The following ARX variants were observed in gnomAD, a reference collection of about 807,000 sequenced individuals.
ARX encodes aristaless related homeobox, also known as homeobox protein ARX.
A neutral mutation model predicts 23.1 loss-of-function variants in ARX; 1 was observed. The ratio of observed to expected loss-of-function variants is 0.04; its 90% CI spans 0.02 to 0.21. The LOEUF is 0.21. Among genes scored for constraint, ARX ranks in the 10% least tolerant of loss-of-function variants. The pLI is 1.00. For missense variants in ARX, 380 were observed against 527.5 expected (o/e 0.72, Z 2.74); for synonymous variants, 301 against 270.1 (o/e 1.11, Z -1.12).
rs866153168 is a variant in ARX at position 25,015,614 on chromosome X, G to T, written c.124C>A (p.Arg42=). 4 of 1,208,769 alleles carry T rather than the reference G, an allele frequency of 3.3e-6. No homozygotes were observed. The highest frequency in any genetic ancestry group is 4.5e-6 in the Non-Finnish European group (4 of 894,372). The change falls in exon 1 of 5, where the codon CGG becomes AGG. Residue 42 remains arginine, a synonymous_variant. Coordinates refer to ENST00000379044, the MANE Select transcript of ARX (RefSeq NM_139058.3). ...AAGCTCTGCGCGGCTCCCAGCAACCGCATTTTGCACGGGCTCCTCCGGCCC... is the reference window on the plus strand; with the variant it reads ...AAGCTCTGCGCGGCTCCCAGCAACCTCATTTTGCACGGGCTCCTCCGGCCC... ...ILGRRSPCKM[R]LLGAAQSLPA...
Position 25,003,954 on chromosome X carries a change from G to T in ARX, c.*716C>A, listed in dbSNP as rs2048665364. On this transcript the variant is annotated 3_prime_UTR_variant, in exon 5 of 5. Coordinates refer to ENST00000379044, the MANE Select transcript of ARX (RefSeq NM_139058.3). ...ACCATACCACGCTGAGTGCAATTGC[G>T]TTATAACATTTCAAATATACAAAGC... The T allele has an allele frequency of 9.4e-6, 1 of 106,091 alleles. No individual in the cohort carries two copies. The highest frequency in any genetic ancestry group is 1.9e-5 in the Non-Finnish European group (1 of 51,587). The allele number at this position is 106,091 out of a possible 1,213,427, so 8.7% of individuals were successfully genotyped here.
At chrX:25,009,209 C>T (rs968830167) in intron 3 of ARX, among the ~76,000 whole-genome samples, 1 of 111,907 alleles carries the variant, frequency 8.9e-6, no homozygotes, top group East Asian at 2.8e-4. Flanking sequence ...GAATTAATAC[C>T]TCTGAGGCCC....
intron 1 of ARX, among the ~76,000 whole-genome samples, chrX:25,014,994 T>A (rs1217194856): frequency 1.8e-5 from 2 of 112,740 alleles, no homozygotes; most frequent in Admixed American, 9.3e-5. Context: ...TCATACATTT[T>A]AAATACATTA....
chrX:25,008,856 C>T (rs780756575), intron 3 of ARX, among the ~76,000 whole-genome samples: 1 of 112,271 alleles, frequency 8.9e-6, no homozygotes, highest in South Asian at 3.7e-4. Context: ...GAATCCAAAT[C>T]GGTCAATTAC....
intron 3 of ARX, among the ~76,000 whole-genome samples, chrX:25,009,152 G>A (rs761835169): frequency 9.0e-6 from 1 of 111,334 alleles, no homozygotes; most frequent in South Asian, 3.8e-4. Flanking sequence ...CGTCTCTCCC[G>A]GCTCAACTGC....
chrX:25,013,539 G>GGCCGCGGCCGCGGCT lies in ARX; in HGVS notation c.441_455dup (p.Ala151_Ala155dup), dbSNP rs750585274. 4 of 798,862 alleles carry GGCCGCGGCCGCGGCT rather than the reference G, an allele frequency of 5.0e-6. No individual in the cohort carries two copies. The highest frequency in any genetic ancestry group is 5.9e-6 in the Non-Finnish European group (4 of 673,095). The allele number at this position is 798,862 out of a possible 1,213,427, so 65.8% of individuals were successfully genotyped here. ...TCTTGAGCGTGTCCCAGGCCGCGGC[G>GGCCGCGGCCGCGGCT]GCCGCGGCCGCGGCTGCCGCGGCGG... On this transcript the variant is annotated inframe_insertion, in exon 2 of 5. Transcript: ENST00000379044.
intron 2 of ARX, 123 bp from the exon 3 acceptor site, chrX:25,010,428 C>T: frequency 1.2e-6 from 1 of 830,065 alleles, no homozygotes; most frequent in Non-Finnish European, 1.8e-6. Context: ...GCCCCCCACC[C>T]CCAAACATAT....
chrX:25,005,922 A>C (rs1016770664), intron 4 of ARX: 4 of 111,951 alleles, frequency 3.6e-5, no homozygotes, highest in Non-Finnish European at 5.6e-5. Flanking sequence ...GTCTGGCTCC[A>C]GGCCCGCGGG....
rs1460450589 is a variant in ARX, at chrX:25,013,548, C to CGCGGCT, written c.441_446dup (p.Ala154_Ala155dup). ...TGTCCCAGGCCGCGGCGGCCGCGGC[C>CGCGGCT]GCGGCTGCCGCGGCGGCCCCTGCGC... On this transcript the variant is annotated inframe_insertion, in exon 2 of 5. Coordinates refer to ENST00000379044, the MANE Select transcript of ARX (RefSeq NM_139058.3). The CGCGGCT allele has an allele frequency of 1.5e-5, 12 of 776,784 alleles. No homozygotes were observed. Among genetic ancestry groups the CGCGGCT allele is most frequent in the Non-Finnish European group, 1.8e-5 (12 of 659,273 alleles). The allele number at this position is 776,784 out of a possible 1,213,427, so 64.0% of individuals were successfully genotyped here.
rs2147324103 is a variant in ARX at position 25,013,485 on chromosome X, G to A, written c.510C>T (p.Ser170=). The A allele has an allele frequency of 1.1e-6, 1 of 911,050 alleles. No individual in the cohort carries two copies. Among genetic ancestry groups the A allele is most frequent in the Non-Finnish European group, 1.4e-6 (1 of 739,118 alleles). 75.1% of individuals were successfully genotyped at this position (911,050 alleles called of 1,213,427 possible). A position where few individuals can be genotyped will look rare whatever the true frequency, so the allele number is the denominator to read the frequency against. The part of the protein sequence containing the change: ...KISQAPQVSI[S]RSKSYRENGA... ...CGTTCTCGCGGTACGACTTGCTGCG[G>A]CTGATGCTCACCTGCGGCGCCTGGC... The change falls in exon 2 of 5, where the codon AGC becomes AGT. Residue 170 remains serine, a synonymous_variant. Coordinates refer to ENST00000379044, the MANE Select transcript of ARX (RefSeq NM_139058.3).
At chrX:25,014,486 G>C (rs984185762) in intron 1 of ARX, among the ~76,000 whole-genome samples, 3 of 112,905 alleles carry the variant, frequency 2.7e-5, no homozygotes, top group African/African-American at 9.6e-5. Flanking sequence ...GTGGCCCCAA[G>C]TGCAGGCCGC....
At chrX:25,015,460 T>G (rs1025187684) in intron 1 of ARX, 82 bp downstream of exon 1, 57 of 1,109,089 alleles carry the variant, frequency 5.1e-5, no homozygotes, top group Non-Finnish European at 6.8e-5. Flanking sequence ...AATTGACAAT[T>G]CCAGGCCACT....
chrX:25,009,974 G>A (rs747328505), intron 3 of ARX, among the ~76,000 whole-genome samples: 4 of 111,145 alleles, frequency 3.6e-5, no homozygotes, highest in African/African-American at 1.3e-4. Context: ...TTTGGGGCTA[G>A]GGGGTCCCAA....
intron 1 of ARX, among the ~76,000 whole-genome samples, chrX:25,014,649 C>A (rs2048718756): frequency 8.8e-6 from 1 of 113,161 alleles, no homozygotes; most frequent in Admixed American, 9.3e-5. Flanking sequence ...TTTGAGGAAG[C>A]GCCTGGCATA....
chrX:25,013,545 GGCCGCGGCT>G lies in ARX; in HGVS notation c.441_449del (p.Ala153_Ala155del). The G allele has an allele frequency of 3.8e-6, 3 of 795,412 alleles. No individual in the cohort carries two copies. Among genetic ancestry groups the G allele is most frequent in the Non-Finnish European group, 4.5e-6 (3 of 670,109 alleles). The allele number at this position is 795,412 out of a possible 1,213,427, so 65.6% of individuals were successfully genotyped here. On this transcript the variant is annotated inframe_deletion, in exon 2 of 5. Coordinates refer to ENST00000379044, the MANE Select transcript of ARX (RefSeq NM_139058.3). ...GCGTGTCCCAGGCCGCGGCGGCCGC[GGCCGCGGCT>G]GCCGCGGCGGCCCCTGCGCCGTCCG...
At chrX:25,014,590 T>G (rs1332330644) in intron 1 of ARX, among the ~76,000 whole-genome samples, 1 of 113,058 alleles carries the variant, frequency 8.8e-6, no homozygotes, top group Non-Finnish European at 1.9e-5. Flanking sequence ...GGGAAAGGTC[T>G]GGGGCAGAGA....
chrX:25,004,640 C>T lies in ARX; in HGVS notation c.*30G>A, dbSNP rs2048668552. Reference sequence around the variant, plus strand: ...CTGAGTGAGGTGACCTTTCGGGGCGCGCGCGGGGCGCGGGTGTGGAGGGCA... The same window carrying T: ...CTGAGTGAGGTGACCTTTCGGGGCGTGCGCGGGGCGCGGGTGTGGAGGGCA... On this transcript the variant is annotated 3_prime_UTR_variant, in exon 5 of 5. Coordinates refer to ENST00000379044, the MANE Select transcript of ARX (RefSeq NM_139058.3). 1 of 1,163,747 alleles carries T rather than the reference C, an allele frequency of 8.6e-7. No individual in the cohort carries two copies. Among genetic ancestry groups the T allele is most frequent in the Non-Finnish European group, 1.1e-6 (1 of 872,642 alleles).
At chrX:25,005,306 G>C (rs1161259794) in intron 4 of ARX, among the ~76,000 whole-genome samples, 1 of 107,571 alleles carries the variant, frequency 9.3e-6, no homozygotes, top group East Asian at 2.9e-4. Flanking sequence ...AGGAGAAAAG[G>C]AGAGGAGAGC....
intron 1 of ARX, among the ~76,000 whole-genome samples, chrX:25,014,676 A>G (rs1253334650): frequency 8.8e-6 from 1 of 113,123 alleles, no homozygotes; most frequent in Non-Finnish European, 1.9e-5. Flanking sequence ...ACTGCAGGCT[A>G]AAAAAAGAAA....
Sources: gnomAD v4.1 joint callset for allele counts (sites outside exome capture counted in the v4.1 genomes callset) on GRCh38, gnomAD v4.1.1 for gene constraint, MANE v1.5 for transcripts, NCBI Gene and HGNC (gene_info 2026-07-23, HGNC 2026-07-21) for gene names.